The following SOD2 variants were observed in gnomAD, a reference collection of about 807,000 sequenced individuals.
SOD2 encodes the protein superoxide dismutase 2.
In SOD2, 11 loss-of-function variants were observed where a neutral mutation model predicts 27.0. The observed-to-expected ratio is 0.41, with a 90% confidence interval of 0.26 to 0.67. The LOEUF (loss-of-function observed/expected upper bound fraction) is 0.67. Ranked by LOEUF, SOD2 falls within the 30% of genes least tolerant of loss-of-function variation. The pLI is 0.34. For synonymous variants in SOD2, 105 were observed against 103.0 expected (o/e 1.02, Z -0.12); for missense variants, 250 against 274.5 (o/e 0.91, Z 0.63).
In SOD2 at chr6:159,685,048, A is replaced by T; in HGVS notation, c.344-15T>A. ...CAGCAACTCCCCTATTAAAAAAAAA[A>T]TCCAAAACCACCCACAAATGAACAG... On this transcript the variant is annotated splice_polypyrimidine_tract_variant and intron_variant, in intron 3 of 4. Transcript: ENST00000538183. 1 of 1,566,756 alleles carries T rather than the reference A, an allele frequency of 6.4e-7. No individual in the cohort carries two copies. The highest frequency in any genetic ancestry group is 8.6e-7 in the Non-Finnish European group (1 of 1,157,660).
At chr6:159,732,885 T>TGGTGTG (rs1562452331) in intron 1 of SOD2, among the ~76,000 whole-genome samples, 1 of 56,874 alleles carries the variant, frequency 1.8e-5, no homozygotes, top group Non-Finnish European at 3.2e-5. Context: ...TATATATATA[T>TGGTGTG]AGTGTGTGTG....
intron 1 of SOD2, among the ~76,000 whole-genome samples, chr6:159,722,694 A>G (rs1285437639): frequency 6.6e-6 from 1 of 152,216 alleles, no homozygotes; most frequent in African/African-American, 2.4e-5. Flanking sequence ...GTAAATGGCC[A>G]GAATATACAT....
chr6:159,733,026 A>G (rs574218621), intron 1 of SOD2, among the ~76,000 whole-genome samples: 1 of 152,224 alleles, frequency 6.6e-6, no homozygotes, highest in Admixed American at 6.5e-5. Context: ...GCTAAAATAG[A>G]AGTAGTTAGA....
chr6:159,672,442 G>C lies in SOD2; in HGVS notation c.*10051C>G, dbSNP rs1481996832. 1 of 152,170 alleles carries C rather than the reference G, an allele frequency of 6.6e-6. No individual in the cohort carries two copies. The highest frequency in any genetic ancestry group is 1.5e-5 in the Non-Finnish European group (1 of 68,028). 9.4% of individuals were successfully genotyped at this position (152,170 alleles called of 1,614,324 possible). On this transcript the variant is annotated 3_prime_UTR_variant, in exon 5 of 5. Transcript: ENST00000538183. ...AAGAGAGTGGGGGTCAATATTCAAC[G>C]TTCTTGAAGAAAAGAATTTTCAACC...
At chr6:159,708,467 C>CT (rs1487702447) in intron 1 of SOD2, among the ~76,000 whole-genome samples, 5 of 152,204 alleles carry the variant, frequency 3.3e-5, no homozygotes, top group African/African-American at 1.2e-4. Flanking sequence ...CATTCTTATA[C>CT]ATCAATAACA....
At chr6:159,697,820 G>T (rs779157814), upstream of SOD2, among the ~76,000 whole-genome samples, 5 of 152,208 alleles carry the variant, frequency 3.3e-5, no homozygotes, top group Non-Finnish European at 7.3e-5. Flanking sequence ...TGCAGTGTCA[G>T]GGGTGCTGGT....
rs776194516 is a variant in SOD2 at position 159,692,731 on chromosome 6, G to C, written c.156C>G (p.Ser52Arg). Residue 52 changes from serine (S) to arginine (R), a missense_variant, in exon 2 of 5, where the codon AGC becomes AGG. Coordinates refer to ENST00000538183, the MANE Select transcript of SOD2 (RefSeq NM_000636.4). ...TGTTCACGTAGGCCGCGTGGTGCTT[G>C]CTGTGGTGCAGCTGCATGATCTGCG... ...INAQIMQLHH[S>R]KHHAAYVNNL... The C allele has an allele frequency of 6.2e-7, 1 of 1,614,178 alleles. No individual in the cohort carries two copies. The highest frequency in any genetic ancestry group is 1.7e-5 in the Admixed American group (1 of 60,026).
Position 159,672,622 on chromosome 6 carries a change from C to T in SOD2, c.*9871G>A, listed in dbSNP as rs1779691654. The T allele has an allele frequency of 6.6e-6, 1 of 152,186 alleles. No homozygotes were observed. The highest frequency in any genetic ancestry group is 1.5e-5 in the Non-Finnish European group (1 of 68,032). 9.4% of individuals were successfully genotyped at this position (152,186 alleles called of 1,614,324 possible). On this transcript the variant is annotated 3_prime_UTR_variant, in exon 5 of 5. Coordinates refer to ENST00000538183, the MANE Select transcript of SOD2 (RefSeq NM_000636.4). ...AAACATGGAATGGAACAACCAGTAT[C>T]AGCCACTGCAAAAACATGCCAAATT...
intron 1 of SOD2, chr6:159,713,752 A>G (rs1162647816): frequency 2.1e-6 from 2 of 935,538 alleles, no homozygotes; most frequent in African/African-American, 1.6e-5. Flanking sequence ...ACTTCAACGT[A>G]TCTGTGTCCC....
intron 1 of SOD2, among the ~76,000 whole-genome samples, chr6:159,723,474 T>C (rs940919001): frequency 6.6e-6 from 1 of 152,210 alleles, no homozygotes; most frequent in Non-Finnish European, 1.5e-5. Context: ...ACCTGGCTCA[T>C]CTTGTACCTT....
chr6:159,729,575 A>G (rs1281384389), upstream of SOD2, among the ~76,000 whole-genome samples: 1 of 134,006 alleles, frequency 7.5e-6, no homozygotes, highest in African/African-American at 3.3e-5. Flanking sequence ...TTTTATTTGA[A>G]AAATCTATAG....
chr6:159,688,039 AAAC>A, intron 3 of SOD2, 84 bp downstream of exon 3: 1 of 815,670 alleles, frequency 1.2e-6, no homozygotes, highest in East Asian at 2.5e-5. Context: ...AAAAAACAAA[AAAC>A]AAGTATAAGG....
chr6:159,710,992 AC>A (rs1225970666), intron 1 of SOD2, among the ~76,000 whole-genome samples: 40 of 86,352 alleles, frequency 4.6e-4, no homozygotes, highest in East Asian at 9.3e-4. Flanking sequence ...ACCACCACTC[AC>A]ACTGCTCTGA....
At chr6:159,697,949 G>A (rs1212308992), upstream of SOD2, among the ~76,000 whole-genome samples, 1 of 152,172 alleles carries the variant, frequency 6.6e-6, no homozygotes, top group Non-Finnish European at 1.5e-5. Flanking sequence ...AGATCAGCCT[G>A]GCCAACATGG....
exon 1 of SOD2, chr6:159,761,811 C>A (rs1035791800): frequency 8.8e-6 from 2 of 226,640 alleles, no homozygotes; most frequent in Non-Finnish European, 1.8e-5. Context: ...GTTCTGCCCG[C>A]AAGCCCAGAC....
rs1777937654 is a variant in SOD2 at position 159,717,270 on chromosome 6, A to AT, written c.-116+9858dup. On this transcript the variant is annotated intron_variant, in intron 1 of 2. Transcript: ENST00000401980. ...ATGTTTAAAACCTAACTCTATCTTTATTTTTTTACTATAATTATTTTAGAA... is the reference window on the plus strand; with the variant it reads ...ATGTTTAAAACCTAACTCTATCTTTATTTTTTTTACTATAATTATTTTAGAA... Among the ~76,000 whole-genome samples the AT allele has an allele frequency of 7.9e-5, 12 of 151,828 alleles. No homozygotes were observed. The South Asian group carries it at 2.5e-3, about 32-fold the overall frequency.
At position 159,676,923 on chromosome 6, in the gene SOD2, C is replaced by T. The variant is rs1779792822; in HGVS notation, c.*5570G>A. 1 of 151,974 alleles carries T rather than the reference C, an allele frequency of 6.6e-6. No individual in the cohort carries two copies. Among genetic ancestry groups the T allele is most frequent in the Non-Finnish European group, 1.5e-5 (1 of 68,016 alleles). The allele number at this position is 151,974 out of a possible 1,614,324, so 9.4% of individuals were successfully genotyped here. ...CCTAATTCAATGTTCTTTCCATGCC[C>T]ACACAAAGGCAAGCAGCAGAAGGAG... On this transcript the variant is annotated 3_prime_UTR_variant, in exon 5 of 5. Coordinates refer to ENST00000538183, the MANE Select transcript of SOD2 (RefSeq NM_000636.4).
At chr6:159,705,559 GAAGTT>G (rs779844833) in intron 1 of SOD2, among the ~76,000 whole-genome samples, 7 of 152,156 alleles carry the variant, frequency 4.6e-5, no homozygotes, top group Admixed American at 4.6e-4. Context: ...AGCAAGAAGA[GAAGTT>G]AAGAGAAAAA....
upstream of SOD2, among the ~76,000 whole-genome samples, chr6:159,697,937 C>T (rs1019260304): frequency 4.6e-5 from 7 of 152,084 alleles, no homozygotes; most frequent in Non-Finnish European, 7.4e-5. Flanking sequence ...GTCGGGAAAT[C>T]GAGATCAGCC....
Sources: gnomAD v4.1 joint callset for allele counts (sites outside exome capture counted in the v4.1 genomes callset) on GRCh38, gnomAD v4.1.1 for gene constraint, MANE v1.5 for transcripts, NCBI Gene and HGNC (gene_info 2026-07-23, HGNC 2026-07-21) for gene names.